The following NLRP13 variants were observed in gnomAD, a reference collection of about 807,000 sequenced individuals.
The protein encoded by NLRP13 is NLR family pyrin domain containing 13.
A neutral mutation model predicts 94.4 loss-of-function variants in NLRP13; 82 were observed. The ratio of observed to expected loss-of-function variants is 0.87; its 90% CI spans 0.73 to 1.04. The LOEUF is 1.04. Ranked by LOEUF, NLRP13 falls within the 50% of genes least tolerant of loss-of-function variation. The pLI, the probability that NLRP13 is intolerant of heterozygous loss-of-function variation, is 0.00. For missense variants in NLRP13, 1,426 were observed against 1,230.8 expected (o/e 1.16, Z -2.37); for synonymous variants, 553 against 464.7 (o/e 1.19, Z -2.45).
At chr19:55,930,423 C>A (rs542575704) in intron 1 of NLRP13, among the ~76,000 whole-genome samples, 1 of 152,162 alleles carries the variant, frequency 6.6e-6, no homozygotes, top group Non-Finnish European at 1.5e-5. Flanking sequence ...TGGTGGCTCA[C>A]GCCTGTAATC....
At chr19:55,923,129 G>T (rs1292747036) in intron 4 of NLRP13, among the ~76,000 whole-genome samples, 1 of 152,206 alleles carries the variant, frequency 6.6e-6, no homozygotes, top group Non-Finnish European at 1.5e-5. Flanking sequence ...AAAAACTACA[G>T]ATGCCTATTA....
Position 55,932,323 on chromosome 19 carries a change from C to T in NLRP13, c.-12G>A. 6.3e-7 allele frequency: 1 copy of T among 1,594,994 alleles called. No individual in the cohort carries two copies. Among genetic ancestry groups the T allele is most frequent in the Non-Finnish European group, 8.5e-7 (1 of 1,175,496 alleles). ...ACAGAAAAGTTCATCTTGCCCAACA[C>T]ATGCAGTTTCTCACTTCAGCAAAGG... On this transcript the variant is annotated 5_prime_UTR_variant, in exon 1 of 11. It adds an upstream start codon to the 5' untranslated region. Transcript: ENST00000342929.
chr19:55,919,106 A>G (rs1361824620), intron 4 of NLRP13, among the ~76,000 whole-genome samples: 2 of 152,324 alleles, frequency 1.3e-5, no homozygotes, highest in East Asian at 3.8e-4. Context: ...CATAAACAGA[A>G]TTAAAAACAA....
rs1230650541 is a variant in NLRP13 at position 55,896,055 on chromosome 19, T to TA, written c.3021dup (p.Lys1008Ter). On this transcript the variant is annotated frameshift_variant, in exon 11 of 11. Transcript: ENST00000342929. LOFTEE classifies it low-confidence loss of function (END_TRUNC). ...AGAAGGTTCAGATTGACCAGGCTCTTACTGCTGCTGAGAACAGAGAAGAGA... is the reference window on the plus strand; with the variant it reads ...AGAAGGTTCAGATTGACCAGGCTCTTAACTGCTGCTGAGAACAGAGAAGAGA... 1.2e-6 allele frequency: 2 copies of TA among 1,614,220 alleles called. No homozygotes were observed. Among genetic ancestry groups the TA allele is most frequent in the African/African-American group, 1.3e-5 (1 of 75,052 alleles).
chr19:55,898,104 C>T (rs937606473), intron 10 of NLRP13, among the ~76,000 whole-genome samples: 2 of 151,592 alleles, frequency 1.3e-5, no homozygotes, highest in South Asian at 4.2e-4. Context: ...TTGGGAGAGA[C>T]AATATTTTCA....
chr19:55,919,794 C>T (rs1986768222), intron 4 of NLRP13, among the ~76,000 whole-genome samples: 1 of 152,028 alleles, frequency 6.6e-6, no homozygotes, highest in South Asian at 2.1e-4. Flanking sequence ...TCCTATCAAA[C>T]TCCCAGTGAC....
At position 55,910,733 on chromosome 19, in the gene NLRP13, C is replaced by T. The variant is rs1193417450; in HGVS notation, c.2112G>A (p.Glu704=). Reference sequence around the variant, plus strand: ...GCATCCTGGAATCAAACTTGCTTGTCCTTCATGAGGGAGAGACAGAACACG... The same window carrying T: ...GCATCCTGGAATCAAACTTGCTTGTTCTTCATGAGGGAGAGACAGAACACG... The part of the protein sequence containing the change: ...HILERDLEIL[E]TSKFDSRMHA... Residue 704 remains glutamate (E), a splice_region_variant and synonymous_variant, in exon 6 of 11, where the codon GAG becomes GAA. Coordinates refer to ENST00000342929, the MANE Select transcript of NLRP13 (RefSeq NM_176810.2). The T allele has an allele frequency of 1.2e-6, 2 of 1,605,454 alleles. No individual in the cohort carries two copies. Among genetic ancestry groups the T allele is most frequent in the South Asian group, 1.1e-5 (1 of 90,422 alleles).
downstream of NLRP13, among the ~76,000 whole-genome samples, chr19:55,895,694 AAG>A (rs1482542063): frequency 6.6e-6 from 1 of 152,170 alleles, no homozygotes; most frequent in Non-Finnish European, 1.5e-5. Flanking sequence ...AAAAAGGTGA[AAG>A]AAAAAAGAAA....
At chr19:55,899,710 G>A (rs919015212) in intron 9 of NLRP13, among the ~76,000 whole-genome samples, 22 of 152,158 alleles carry the variant, frequency 1.4e-4, no homozygotes, top group African/African-American at 5.3e-4. Flanking sequence ...AACCCGGGAG[G>A]TGGAGGTTGC....
intron 8 of NLRP13, among the ~76,000 whole-genome samples, chr19:55,904,227 G>A (rs898986660): frequency 6.6e-6 from 1 of 152,058 alleles, no homozygotes; most frequent in East Asian, 1.9e-4. Flanking sequence ...TGAGTGGCTG[G>A]GATTATAGGC....
At chr19:55,893,640 G>A (rs952773034), downstream of NLRP13, among the ~76,000 whole-genome samples, 21 of 152,254 alleles carry the variant, frequency 1.4e-4, no homozygotes, top group Middle Eastern at 3.4e-3. Flanking sequence ...AAACCATGGC[G>A]CAGATGACAC....
downstream of NLRP13, among the ~76,000 whole-genome samples, chr19:55,893,331 T>G (rs1985907896): frequency 6.6e-6 from 1 of 151,628 alleles, no homozygotes; most frequent in Admixed American, 6.6e-5. Flanking sequence ...GAGGGTGCGG[T>G]GAGCCGAGAT....
At chr19:55,894,588 C>T (rs1985949005), downstream of NLRP13, among the ~76,000 whole-genome samples, 1 of 152,192 alleles carries the variant, frequency 6.6e-6, no homozygotes, top group South Asian at 2.1e-4. Flanking sequence ...GGTACCGCCT[C>T]TGGCAAGCCC....
rs758951506 is a variant in NLRP13, at chr19:55,912,975, A to G, written c.842T>C (p.Phe281Ser). 1.2e-6 allele frequency: 2 copies of G among 1,614,050 alleles called. No individual in the cohort carries two copies. The highest frequency in any genetic ancestry group is 1.3e-5 in the African/African-American group (1 of 74,928). ...HKIRYMKETT[F>S]AELISLDWPD... Reference sequence around the variant, plus strand: ...CCAATCCAAAGAAATCAATTCAGCAAAGGTAGTTTCCTTCATGTACCTTAT... The same window carrying G: ...CCAATCCAAAGAAATCAATTCAGCAGAGGTAGTTTCCTTCATGTACCTTAT... The change falls in exon 5 of 11, where the codon TTT becomes TCT. Residue 281 changes from phenylalanine (F) to serine (S), a missense_variant. Phe to Ser is a radical substitution (Grantham distance 155). Coordinates refer to ENST00000342929, the MANE Select transcript of NLRP13 (RefSeq NM_176810.2).
At chr19:55,916,521 T>G (rs965543787) in intron 4 of NLRP13, among the ~76,000 whole-genome samples, 3 of 152,138 alleles carry the variant, frequency 2.0e-5, no homozygotes, top group African/African-American at 7.2e-5. Flanking sequence ...AGAGATATTT[T>G]TGAGAGAAAA....
intron 4 of NLRP13, 49 bp downstream of exon 4, chr19:55,923,865 A>G (rs1986901744): frequency 7.2e-7 from 1 of 1,396,748 alleles, no homozygotes; most frequent in Non-Finnish European, 1.0e-6. Flanking sequence ...AGTGAAACCA[A>G]TGCTCGTCAA....
chr19:55,924,724 A>C, intron 2 of NLRP13, 66 bp from the exon 3 acceptor site: 1 of 1,424,076 alleles, frequency 7.0e-7, no homozygotes, highest in Non-Finnish European at 9.9e-7. Flanking sequence ...GCAATAATGG[A>C]AGCCCCCAGT....
chr19:55,893,320 G>A (rs1200212980), downstream of NLRP13, among the ~76,000 whole-genome samples: 9 of 151,786 alleles, frequency 5.9e-5, no homozygotes, highest in South Asian at 2.1e-4. Flanking sequence ...CCTGGGAGGC[G>A]GAGGGTGCGG....
chr19:55,895,243 G>C (rs374040975), downstream of NLRP13, among the ~76,000 whole-genome samples: 1 of 151,270 alleles, frequency 6.6e-6, no homozygotes, highest in Non-Finnish European at 1.5e-5. Context: ...TTAGCCAGGC[G>C]TAGTGGCATG....
Sources: gnomAD v4.1 joint callset for allele counts (sites outside exome capture counted in the v4.1 genomes callset) on GRCh38, gnomAD v4.1.1 for gene constraint, MANE v1.5 for transcripts, NCBI Gene and HGNC (gene_info 2026-07-23, HGNC 2026-07-21) for gene names.